The following CCBE1 variants were observed in gnomAD, a reference collection of about 807,000 sequenced individuals.
CCBE1 encodes collagen and calcium binding EGF domains 1, also known as collagen and calcium-binding EGF domain-containing protein 1.
A neutral mutation model predicts 50.0 loss-of-function variants in CCBE1; 37 were observed. The ratio of observed to expected loss-of-function variants is 0.74; its 90% CI spans 0.57 to 0.97. CCBE1 has a LOEUF of 0.97. Among genes scored for constraint, CCBE1 ranks in the 50% least tolerant of loss-of-function variants. The probability of loss-of-function intolerance (pLI) is 0.00; values close to 1 mark genes in which losing one functional copy is unlikely to be tolerated. For synonymous variants in CCBE1, 234 were observed against 203.7 expected (o/e 1.15, Z -1.27); for missense variants, 538 against 523.8 (o/e 1.03, Z -0.26).
intron 3 of CCBE1, among the ~76,000 whole-genome samples, chr18:59,478,368 A>G (rs1350357921): frequency 6.6e-6 from 1 of 152,188 alleles, no homozygotes. Context: ...TGTACTTTGC[A>G]TTCTTTGATG....
At chr18:59,662,197 G>A (rs537955008) in intron 2 of CCBE1, among the ~76,000 whole-genome samples, 1 of 152,176 alleles carries the variant, frequency 6.6e-6, no homozygotes, top group Non-Finnish European at 1.5e-5. Context: ...CTGCAGAAGG[G>A]TACTTGTTTA....
intron 2 of CCBE1, among the ~76,000 whole-genome samples, chr18:59,550,067 G>A (rs578237444): frequency 7.9e-5 from 12 of 152,214 alleles, no homozygotes; most frequent in East Asian, 3.9e-4. Flanking sequence ...GGTCCAATCC[G>A]GTTTGCTTTG....
intron 2 of CCBE1, among the ~76,000 whole-genome samples, chr18:59,615,356 T>C (rs1351877027): frequency 1.3e-5 from 2 of 152,260 alleles, no homozygotes; most frequent in Admixed American, 6.5e-5. Context: ...CCTAACACCA[T>C]GCTCATTCGC....
intron 2 of CCBE1, among the ~76,000 whole-genome samples, chr18:59,523,863 C>T (rs886620215): frequency 7.2e-5 from 11 of 152,182 alleles, no homozygotes; most frequent in African/African-American, 2.7e-4. Flanking sequence ...CAGCCTTCTG[C>T]ATTGGTGATG....
chr18:59,654,909 C>T (rs2054168492), intron 2 of CCBE1, among the ~76,000 whole-genome samples: 1 of 151,304 alleles, frequency 6.6e-6, no homozygotes, highest in African/African-American at 2.4e-5. Context: ...TTTAGACCAG[C>T]CTGGCCAACA....
Position 59,697,304 on chromosome 18 carries a change from C to T in CCBE1, c.39G>A (p.Arg13=), listed in dbSNP as rs2054823271. The T allele has an allele frequency of 1.9e-6, 3 of 1,548,928 alleles. No homozygotes were observed. The highest frequency in any genetic ancestry group is 2.0e-5 in the Admixed American group (1 of 51,046). Residue 13 remains arginine, a synonymous_variant, in exon 1 of 11, where the codon AGG becomes AGA. Transcript: ENST00000439986. ...PPPPSRGGAA[R]GQLGRSLGPL... is the part of the protein sequence containing the mutation. Reference sequence around the variant, plus strand: ...GACCCAGGCTCCTGCCCAGCTGGCCCCTGGCAGCTCCTCCCCGGCTCGGAG... The same window carrying T: ...GACCCAGGCTCCTGCCCAGCTGGCCTCTGGCAGCTCCTCCCCGGCTCGGAG...
intron 2 of CCBE1, among the ~76,000 whole-genome samples, chr18:59,599,528 C>T (rs770296103): frequency 3.9e-5 from 6 of 152,150 alleles, no homozygotes; most frequent in Non-Finnish European, 5.9e-5. Context: ...TAATGGAATT[C>T]ATTAATATGG....
intron 2 of CCBE1, among the ~76,000 whole-genome samples, chr18:59,572,307 C>T (rs2052926123): frequency 6.6e-6 from 1 of 152,078 alleles, no homozygotes. Context: ...TTTTTTTCCC[C>T]CTTGCCCTGT....
intron 2 of CCBE1, among the ~76,000 whole-genome samples, chr18:59,544,083 A>G (rs1244425229): frequency 1.3e-5 from 2 of 152,196 alleles, no homozygotes; most frequent in Non-Finnish European, 2.9e-5. Flanking sequence ...TTTTATCTAC[A>G]TTCATTCTGT....
chr18:59,584,260 AAAC>A lies in CCBE1; in HGVS notation c.213-104025_213-104023del, dbSNP rs1190984255. On this transcript the variant is annotated intron_variant, in intron 2 of 10. Transcript: ENST00000439986. ...TAAACTATCGCAAGGACAAAAAACC[AAAC>A]ACCACATGTTCTCACTCATAGATGG... 4.0e-5 allele frequency among the ~76,000 whole-genome samples: 6 copies of A among 151,036 alleles called. No individual in the cohort carries two copies. The East Asian group carries it at 5.9e-4, about 15-fold the overall frequency.
Position 59,597,874 on chromosome 18 carries a change from A to G in CCBE1, c.212+98755T>C, listed in dbSNP as rs140314679. On this transcript the variant is annotated intron_variant, in intron 2 of 10. Transcript: ENST00000439986. ...ACGTCAGGATAACTGAGAGTTTCCA[A>G]AATATTTGAGGATACTTCCTAGCAA... Among the ~76,000 whole-genome samples the G allele has an allele frequency of 6.8e-3, 1,035 of 152,358 alleles. 4 individuals carry two copies. The highest frequency in any genetic ancestry group is 0.011 in the Non-Finnish European group (762 of 68,038).
intron 3 of CCBE1, among the ~76,000 whole-genome samples, chr18:59,472,776 C>A (rs528751981): frequency 1.3e-3 from 199 of 152,320 alleles, no homozygotes; most frequent in African/African-American, 4.5e-3. Flanking sequence ...AAAGACATAG[C>A]TGAGACTAGG....
At chr18:59,643,167 C>T (rs977303138) in intron 2 of CCBE1, among the ~76,000 whole-genome samples, 17 of 152,090 alleles carry the variant, frequency 1.1e-4, no homozygotes, top group Non-Finnish European at 1.9e-4. Flanking sequence ...TGCCATTAGA[C>T]ACAAATACAT....
At chr18:59,489,694 T>C (rs530472820) in intron 2 of CCBE1, among the ~76,000 whole-genome samples, 1 of 152,102 alleles carries the variant, frequency 6.6e-6, no homozygotes, top group Non-Finnish European at 1.5e-5. Flanking sequence ...ATTATAGACG[T>C]GAGCCACTGC....
chr18:59,527,460 CTG>C (rs1914872608), intron 2 of CCBE1, among the ~76,000 whole-genome samples: 2 of 152,114 alleles, frequency 1.3e-5, no homozygotes, highest in Admixed American at 6.5e-5. Context: ...GCTTGCCATT[CTG>C]TGTCTTTTTA....
Position 59,436,040 on chromosome 18 carries a change from A to G in CCBE1, c.1089T>C (p.Ser363=), listed in dbSNP as rs1598898235. ...QEKVFGHRTH[S]SAEEFPLPQE... The stretch of plus-strand genomic sequence containing the variant: ...GAGGTAAAGGGAACTCCTCTGCTGA[A>G]GAGTGAGTCCGGTGCCCGAACACCT... Residue 363 remains serine (S), a synonymous_variant, in exon 11 of 11, where the codon TCT becomes TCC. Transcript: ENST00000439986. The G allele has an allele frequency of 6.2e-7, 1 of 1,614,180 alleles. No individual in the cohort carries two copies. Among genetic ancestry groups the G allele is most frequent in the East Asian group, 2.2e-5 (1 of 44,882 alleles).
chr18:59,439,245 C>T (rs1034610700), intron 9 of CCBE1, among the ~76,000 whole-genome samples: 3 of 151,998 alleles, frequency 2.0e-5, no homozygotes, highest in Admixed American at 1.3e-4. Flanking sequence ...TGAGATCGTG[C>T]CACTGCACTC....
At chr18:59,623,105 G>C (rs2053734280) in intron 2 of CCBE1, among the ~76,000 whole-genome samples, 1 of 152,138 alleles carries the variant, frequency 6.6e-6, no homozygotes, top group East Asian at 1.9e-4. Context: ...TGGTAGTGAG[G>C]AGGAAATACC....
At chr18:59,483,761 A>C (rs975955524) in intron 2 of CCBE1, among the ~76,000 whole-genome samples, 1 of 152,192 alleles carries the variant, frequency 6.6e-6, no homozygotes, top group African/African-American at 2.4e-5. Context: ...GTGGTGGTAG[A>C]TATCTTACTT....
Sources: allele counts gnomAD v4.1 joint callset (sites outside exome capture counted in the v4.1 genomes callset), GRCh38; gene constraint gnomAD v4.1.1; transcripts MANE v1.5; gene names NCBI Gene and HGNC (gene_info 2026-07-23, HGNC 2026-07-21).